The following TMEM178A variants were observed in gnomAD, a reference collection of about 807,000 sequenced individuals.
TMEM178A encodes the protein transmembrane protein 178A, also known as transmembrane protein 178.
In TMEM178A, 12 loss-of-function variants were observed where a neutral mutation model predicts 29.1. That is an observed-to-expected ratio of 0.41 (90% CI 0.26 to 0.67). The LOEUF is 0.67. Ranked by LOEUF, TMEM178A falls within the 30% of genes least tolerant of loss-of-function variation. The probability of loss-of-function intolerance (pLI) is 0.29; values close to 1 mark genes in which losing one functional copy is unlikely to be tolerated. For missense variants in TMEM178A, 366 were observed against 419.1 expected (o/e 0.87, Z 1.11); for synonymous variants, 210 against 187.2 (o/e 1.12, Z -0.99).
downstream of TMEM178A, among the ~76,000 whole-genome samples, chr2:39,718,382 A>G (rs1672628561): frequency 6.6e-6 from 1 of 152,194 alleles, no homozygotes; most frequent in Non-Finnish European, 1.5e-5. Flanking sequence ...GTACCTAAAC[A>G]GGGCCTCACC....
chr2:39,668,642 C>T (rs1447508623), intron 1 of TMEM178A, among the ~76,000 whole-genome samples: 1 of 152,150 alleles, frequency 6.6e-6, no homozygotes, highest in East Asian at 1.9e-4. Context: ...TGAGCCAACG[C>T]TATTAAGCAA....
chr2:39,691,363 C>T (rs948409760), intron 1 of TMEM178A, among the ~76,000 whole-genome samples: 6 of 152,166 alleles, frequency 3.9e-5, no homozygotes, highest in Non-Finnish European at 5.9e-5. Context: ...TCAGCAGACT[C>T]CTGCAGGCCA....
At chr2:39,693,038 C>T (rs990760647) in intron 1 of TMEM178A, among the ~76,000 whole-genome samples, 15 of 151,826 alleles carry the variant, frequency 9.9e-5, no homozygotes, top group Non-Finnish European at 1.8e-4. Flanking sequence ...GGCTTGAACC[C>T]GGGAGGCGGA....
At chr2:39,696,812 T>C (rs76869436) in intron 1 of TMEM178A, among the ~76,000 whole-genome samples, 2 of 152,212 alleles carry the variant, frequency 1.3e-5, no homozygotes, top group Admixed American at 1.3e-4. Flanking sequence ...CTGTGCAACA[T>C]ACTTATGTAT....
At chr2:39,691,946 C>CAT (rs1291241932) in intron 1 of TMEM178A, among the ~76,000 whole-genome samples, 1 of 151,500 alleles carries the variant, frequency 6.6e-6, no homozygotes, top group Non-Finnish European at 1.5e-5. Flanking sequence ...TATAGATATA[C>CAT]ATATATATGT....
chr2:39,671,215 G>T (rs1476956011), intron 1 of TMEM178A, among the ~76,000 whole-genome samples: 2 of 152,158 alleles, frequency 1.3e-5, no homozygotes, highest in East Asian at 3.8e-4. Flanking sequence ...GGAATTCATT[G>T]GGTCTGCTTT....
intron 1 of TMEM178A, among the ~76,000 whole-genome samples, chr2:39,691,681 C>T (rs964463119): frequency 3.3e-5 from 5 of 152,084 alleles, no homozygotes; most frequent in Non-Finnish European, 7.4e-5. Context: ...GAAATGTCTA[C>T]ACTCCCATGT....
At chr2:39,685,184 C>G (rs1457611704) in intron 1 of TMEM178A, among the ~76,000 whole-genome samples, 1 of 152,096 alleles carries the variant, frequency 6.6e-6, no homozygotes, top group East Asian at 1.9e-4. Flanking sequence ...ATGGTCTAGC[C>G]GCCTCCTTCC....
At chr2:39,682,381 G>GT (rs529229212) in intron 1 of TMEM178A, among the ~76,000 whole-genome samples, 4,679 of 145,836 alleles carry the variant, frequency 0.032, 179 homozygotes, top group African/African-American at 0.084. Flanking sequence ...AGTTTACTAT[G>GT]TTTTTTTTTT....
At chr2:39,668,137 G>T (rs1187373287) in intron 1 of TMEM178A, among the ~76,000 whole-genome samples, 1 of 152,182 alleles carries the variant, frequency 6.6e-6, no homozygotes, top group Non-Finnish European at 1.5e-5. Context: ...CAAATGCCCT[G>T]GCTAACTGAG....
At chr2:39,722,503 G>A (rs892844347), downstream of TMEM178A, among the ~76,000 whole-genome samples, 5 of 152,126 alleles carry the variant, frequency 3.3e-5, no homozygotes, top group African/African-American at 9.7e-5. Context: ...ATTTCCAGTT[G>A]TTTTCCAGAA....
At chr2:39,705,844 G>C (rs532105663) in intron 2 of TMEM178A, among the ~76,000 whole-genome samples, 22 of 152,322 alleles carry the variant, frequency 1.4e-4, no homozygotes, top group Non-Finnish European at 3.1e-4. Flanking sequence ...TTGGCCCCAT[G>C]TGTACACAGG....
At chr2:39,702,072 T>C (rs1671805363) in intron 1 of TMEM178A, among the ~76,000 whole-genome samples, 1 of 145,416 alleles carries the variant, frequency 6.9e-6, no homozygotes, top group African/African-American at 2.5e-5. Flanking sequence ...TATTGACTGC[T>C]TTTTTTTTTC....
chr2:39,673,867 G>C (rs1670503986), intron 1 of TMEM178A, among the ~76,000 whole-genome samples: 1 of 152,130 alleles, frequency 6.6e-6, no homozygotes, highest in South Asian at 2.1e-4. Flanking sequence ...ATCAACAAAT[G>C]TTAAAAATGA....
At chr2:39,682,876 G>A (rs946549806) in intron 1 of TMEM178A, among the ~76,000 whole-genome samples, 7 of 152,180 alleles carry the variant, frequency 4.6e-5, no homozygotes, top group Non-Finnish European at 8.8e-5. Flanking sequence ...ACTGACAGGT[G>A]TGAGCAGATC....
At chr2:39,688,737 G>T (rs971477327) in intron 1 of TMEM178A, among the ~76,000 whole-genome samples, 3 of 152,178 alleles carry the variant, frequency 2.0e-5, no homozygotes, top group Non-Finnish European at 2.9e-5. Flanking sequence ...AATCAGTTCA[G>T]TATTTTTTTG....
At chr2:39,683,272 A>G (rs1670945304) in intron 1 of TMEM178A, among the ~76,000 whole-genome samples, 1 of 152,172 alleles carries the variant, frequency 6.6e-6, no homozygotes, top group Non-Finnish European at 1.5e-5. Context: ...GTCCGTCCCC[A>G]TAGTCTCACC....
At chr2:39,724,954 G>A in the TMEM178A span, among the ~76,000 whole-genome samples, 1 of 152,194 alleles carries the variant, frequency 6.6e-6, no homozygotes, top group Admixed American at 6.5e-5. Flanking sequence ...AAATAAACTG[G>A]ACTTGGGAAT....
the TMEM178A span, among the ~76,000 whole-genome samples, chr2:39,731,749 G>C: frequency 1.3e-5 from 2 of 152,182 alleles, no homozygotes; most frequent in African/African-American, 4.8e-5. Flanking sequence ...GTTGGTCACT[G>C]CTGCTGGAAA....
Sources: gnomAD v4.1 joint callset for allele counts (sites outside exome capture counted in the v4.1 genomes callset) on GRCh38, gnomAD v4.1.1 for gene constraint, MANE v1.5 for transcripts, NCBI Gene and HGNC (gene_info 2026-07-23, HGNC 2026-07-21) for gene names.